REG1B: variants seen among roughly 807,000 people sequenced by gnomAD.
The protein encoded by REG1B is regenerating family member 1 beta, also known as lithostathine-1-beta.
A neutral mutation model predicts 20.4 loss-of-function variants in REG1B; 21 were observed. That is an observed-to-expected ratio of 1.03 (90% CI 0.73 to 1.48). The LOEUF is 1.48. Among genes scored for constraint, REG1B ranks in the 40% most tolerant of loss-of-function variants. The pLI is 0.00. For missense variants in REG1B, 247 were observed against 197.2 expected (o/e 1.25, Z -1.51); for synonymous variants, 82 against 73.4 (o/e 1.12, Z -0.60).
Position 79,087,676 on chromosome 2 carries a change from GA to G in REG1B, c.-46-19del. The G allele has an allele frequency of 6.5e-7, 1 of 1,527,166 alleles. No homozygotes were observed. Among genetic ancestry groups the G allele is most frequent in the Non-Finnish European group, 9.0e-7 (1 of 1,108,160 alleles). The allele number at this position is 1,527,166 out of a possible 1,614,324, so 94.6% of individuals were successfully genotyped here. ...AGCAATCTCTGTAGGAGAACACAGG[GA>G]AGAGGGTTTGAAGAAGAGAGCAGAG... On this transcript the variant is annotated intron_variant, in intron 1 of 5. Transcript: ENST00000305089.
At position 79,087,582 on chromosome 2, in the gene REG1B, TC is replaced by T; in HGVS notation, c.30del (p.Ile11SerfsTer4). ...AGAGACAGGAACATCAGGGAGGAGA[TC>T]AGCATGAAGAACGAGTTGGTCTGAG... is the stretch of plus-strand genomic sequence containing the variant. Reference protein sequence around the residue: MAQTNSFFMLISSLMFLSLS... With the variant: MAQTNSFFMXISSLMFLSLS... On this transcript the variant is annotated frameshift_variant, in exon 2 of 6. Coordinates refer to ENST00000305089, the MANE Select transcript of REG1B (RefSeq NM_006507.4). LOFTEE classifies it high-confidence loss of function. 1 of 1,613,820 alleles carries T rather than the reference TC, an allele frequency of 6.2e-7. No homozygotes were observed. The highest frequency in any genetic ancestry group is 8.5e-7 in the Non-Finnish European group (1 of 1,179,882).
Position 79,085,056 on chromosome 2 carries a change from A to T in REG1B, c.*160T>A, listed in dbSNP as rs997437348. ...AAAAATAAGTTTGTTTTTATTTTTCAGGGCTCTAGAGACTGAGACAGGTGA... is the reference window on the plus strand; with the variant it reads ...AAAAATAAGTTTGTTTTTATTTTTCTGGGCTCTAGAGACTGAGACAGGTGA... On this transcript the variant is annotated 3_prime_UTR_variant, in exon 6 of 6. Transcript: ENST00000305089. 9.7e-6 allele frequency: 6 copies of T among 620,502 alleles called. No homozygotes were observed. Among genetic ancestry groups the T allele is most frequent in the African/African-American group, 7.3e-5 (4 of 54,506 alleles). The allele number at this position is 620,502 out of a possible 1,614,324, so 38.4% of individuals were successfully genotyped here. A position where few individuals can be genotyped will look rare whatever the true frequency, so the allele number is the denominator to read the frequency against.
chr2:79,086,905 AG>A lies in REG1B; in HGVS notation c.89del (p.Pro30LeufsTer38). On this transcript the variant is annotated frameshift_variant, in exon 3 of 6. Transcript: ENST00000305089. LOFTEE classifies it high-confidence loss of function. Reference protein sequence around the residue: ...SQGQESQTELPNPRISCPEGT... With the variant: ...SQGQESQTELXNPRISCPEGT... ...CTTCTGGGCAGCTGATTCGGGGATT[AG>A]GCAGCTCTGTCTGGGACTCCTGGCC... 1 of 1,613,898 alleles carries A rather than the reference AG, an allele frequency of 6.2e-7. No homozygotes were observed. Among genetic ancestry groups the A allele is most frequent in the Non-Finnish European group, 8.5e-7 (1 of 1,179,914 alleles).
chr2:79,085,242 A>G lies in REG1B; in HGVS notation c.475T>C (p.Ser159Pro), dbSNP rs746146205. The G allele has an allele frequency of 2.5e-6, 4 of 1,613,540 alleles. No homozygotes were observed. The highest frequency in any genetic ancestry group is 3.4e-6 in the Non-Finnish European group (4 of 1,179,484). The change falls in exon 6 of 6, where the codon TCC (serine) becomes CCC (proline). Residue 159 changes from serine (S) to proline (P), a missense_variant. By Grantham distance (74) the Ser-to-Pro change is moderately conservative. Coordinates refer to ENST00000305089, the MANE Select transcript of REG1B (RefSeq NM_006507.4). ...TAGTTTTTGAACTTGCAAACAAAGG[A>G]GAACTTCTTCTCACAAGATTCATCC... is the stretch of plus-strand genomic sequence containing the variant. ...WKDESCEKKF[S>P]FVCKFKN
intron 5 of REG1B, 22 bp downstream of exon 5, chr2:79,085,470 G>T (rs892575741): frequency 1.3e-6 from 2 of 1,578,638 alleles, no homozygotes; most frequent in Admixed American, 1.7e-5. Flanking sequence ...GGCAACAGGT[G>T]GATAGATTGT....
chr2:79,087,287 C>T (rs957559725), intron 2 of REG1B: 2 of 543,156 alleles, frequency 3.7e-6, no homozygotes, highest in South Asian at 2.6e-5. Context: ...TAAAAACATC[C>T]CCCAAACTGC....
Position 79,085,261 on chromosome 2 carries a change from T to A in REG1B, c.456A>T (p.Glu152Asp), listed in dbSNP as rs750676848. ...CAAAGGAGAACTTCTTCTCACAAGA[T>A]TCATCCTTCCATTTCTTGAATCCTA... The part of the protein sequence containing the change: ...SCSGFKKWKD[E>D]SCEKKFSFVC... Residue 152 changes from glutamate (E) to aspartate (D), a missense_variant, in exon 6 of 6, where the codon GAA becomes GAT. Physicochemically the swap from Glu to Asp is conservative, Grantham distance 45 (BLOSUM62 2). Transcript: ENST00000305089. 5 of 1,613,112 alleles carry A rather than the reference T, an allele frequency of 3.1e-6. No individual in the cohort carries two copies. The East Asian group carries it at 1.1e-4, about 36-fold the overall frequency.
chr2:79,085,693 G>A (rs1672388899), intron 4 of REG1B, 90 bp from the exon 5 acceptor site: 1 of 718,650 alleles, frequency 1.4e-6, no homozygotes. Flanking sequence ...AACAGGCCAA[G>A]TTATAGCAGA....
At chr2:79,085,418 C>G (rs754207912) in intron 5 of REG1B, 74 bp downstream of exon 5, 16 of 1,394,560 alleles carry the variant, frequency 1.1e-5, no homozygotes, top group African/African-American at 2.8e-5. Flanking sequence ...TTCCTCTATC[C>G]CAGTCCCCAT....
At chr2:79,087,000 G>A in intron 2 of REG1B, 70 bp from the exon 3 acceptor site, 2 of 1,259,202 alleles carry the variant, frequency 1.6e-6, no homozygotes, top group Non-Finnish European at 2.3e-6. Context: ...AGGTGAATTA[G>A]GGGCTTCTTG....
At position 79,087,345 on chromosome 2, in the gene REG1B, A is replaced by T. The variant is rs181138743; in HGVS notation, c.64+204T>A. On this transcript the variant is annotated intron_variant, in intron 2 of 5. Transcript: ENST00000305089. ...ATAAACTCAACCACAATGGTCACCT[A>T]TAAGTGGTCCTATTAAATTCTGTCT... is the stretch of plus-strand genomic sequence containing the variant. 1.9e-3 allele frequency: 1,158 copies of T among 609,214 alleles called. 2 individuals are homozygous for T. The highest frequency in any genetic ancestry group is 3.0e-3 in the Non-Finnish European group (1,015 of 338,854). 37.7% of individuals were successfully genotyped at this position (609,214 alleles called of 1,614,324 possible).
chr2:79,086,283 T>C, intron 4 of REG1B, 84 bp downstream of exon 4: 1 of 1,396,646 alleles, frequency 7.2e-7, no homozygotes, highest in East Asian at 2.3e-5. Context: ...AAGATAAAAG[T>C]TGGTGATTGC....
In REG1B at chr2:79,086,380, T is replaced by C. The variant is rs1388155281; in HGVS notation, c.308A>G (p.His103Arg). 3 of 1,614,078 alleles carry C rather than the reference T, an allele frequency of 1.9e-6. No homozygotes were observed. Among genetic ancestry groups the C allele is most frequent in the Admixed American group, 1.7e-5 (1 of 59,988 alleles). Residue 103 changes from histidine (H) to arginine (R), a missense_variant, in exon 4 of 6, where the codon CAT (histidine) becomes CGT (arginine). Physicochemically the swap from His to Arg is conservative, Grantham distance 29. Transcript: ENST00000305089. ...CTGCAGACTGACCTTTTTTGGGTCATGGAGGCCAATCCAGACATTGCTGTC... is the reference window on the plus strand; with the variant it reads ...CTGCAGACTGACCTTTTTTGGGTCACGGAGGCCAATCCAGACATTGCTGTC... ...TDDSNVWIGL[H>R]DPKKNRRWHW... is the part of the protein sequence containing the mutation.
chr2:79,085,473 T>TA lies in REG1B; in HGVS notation c.433+18dup, dbSNP rs748427685. The TA allele has an allele frequency of 3.2e-6, 5 of 1,584,506 alleles. No individual in the cohort carries two copies. In the East Asian group the frequency reaches 9.0e-5, roughly 28 times the overall value. On this transcript the variant is annotated intron_variant, in intron 5 of 5. Coordinates refer to ENST00000305089, the MANE Select transcript of REG1B (RefSeq NM_006507.4). ...TGGGAAGGAAATGGCAACAGGTGGATAGATTGTCTGCCTCTCACCTGAGCA... is the reference window on the plus strand; with the variant it reads ...TGGGAAGGAAATGGCAACAGGTGGATAAGATTGTCTGCCTCTCACCTGAGCA...
At chr2:79,087,814 C>T in intron 1 of REG1B, 145 bp downstream of exon 1, 1 of 470,690 alleles carries the variant, frequency 2.1e-6, no homozygotes, top group Admixed American at 3.8e-5. Flanking sequence ...ATAACAGAGG[C>T]CAAATTACCC....
At chr2:79,087,248 C>T (rs1308381767) in intron 2 of REG1B, 1 of 535,980 alleles carries the variant, frequency 1.9e-6, no homozygotes, top group Non-Finnish European at 3.3e-6. Context: ...ACACGTTTGC[C>T]TTAGCTCTCC....
At chr2:79,086,095 A>T in intron 4 of REG1B, 1 of 432,420 alleles carries the variant, frequency 2.3e-6, no homozygotes, top group Non-Finnish European at 4.2e-6. Context: ...ATAGCAAAAT[A>T]GGGAAAAAGT....
Position 79,086,460 on chromosome 2 carries a change from G to T in REG1B, c.228C>A (p.Leu76=). 1.2e-6 allele frequency: 2 copies of T among 1,614,086 alleles called. No homozygotes were observed. Among genetic ancestry groups the T allele is most frequent in the Non-Finnish European group, 1.7e-6 (2 of 1,180,004 alleles). ...CCACGAAGGCACCCTCCGCCTGGGT[G>T]AGCACAGACACCAGGTTGCCTGAAT... The part of the protein sequence containing the change: ...NMNSGNLVSV[L]TQAEGAFVAS... The change falls in exon 4 of 6, where the codon CTC becomes CTA. Residue 76 remains leucine (L), a synonymous_variant. Coordinates refer to ENST00000305089, the MANE Select transcript of REG1B (RefSeq NM_006507.4).
intron 4 of REG1B, 175 bp downstream of exon 4, chr2:79,086,191 TG>T (rs1193443715): frequency 1.6e-5 from 10 of 644,410 alleles, no homozygotes; most frequent in Non-Finnish European, 2.3e-5. Context: ...CTTCAGCTCA[TG>T]TCTCTAACTA....
Sources: allele counts gnomAD v4.1 joint callset, GRCh38; gene constraint gnomAD v4.1.1; transcripts MANE v1.5; gene names NCBI Gene and HGNC (gene_info 2026-07-23, HGNC 2026-07-21).